Variants in KATNAL2 observed in about 807,000 individuals in gnomAD.
KATNAL2 encodes katanin p60 ATPase-containing subunit A-like 2.
Under a neutral mutation model 76.3 loss-of-function variants are expected in KATNAL2, and 52 were observed. The observed-to-expected ratio is 0.68, with a 90% CI of 0.55 to 0.86. The LOEUF (loss-of-function observed/expected upper bound fraction) is 0.86, where lower values mean the gene tolerates loss of function less well. Among genes scored for constraint, KATNAL2 ranks in the 40% least tolerant of loss-of-function variants. The pLI is 0.00. For synonymous variants in KATNAL2, 243 were observed against 244.2 expected (o/e 1.00, Z 0.05); for missense variants, 660 against 668.9 (o/e 0.99, Z 0.15).
intron 3 of KATNAL2, chr18:47,034,246 A>G (rs2060642556): frequency 8.7e-6 from 14 of 1,613,992 alleles, no homozygotes; most frequent in Non-Finnish European, 1.2e-5. Context: ...GTCGTTGGAA[A>G]GCTGCTCTTT....
intron 3 of KATNAL2, among the ~76,000 whole-genome samples, chr18:47,045,109 TAAAAA>T (rs1428827568): frequency 6.6e-6 from 1 of 150,862 alleles, no homozygotes; most frequent in Non-Finnish European, 1.5e-5. Flanking sequence ...AAAAAAAAAT[TAAAAA>T]AGAAAAAAAA....
In KATNAL2 at chr18:47,035,503, A is replaced by G. The variant is rs1003490519; in HGVS notation, c.52-10954A>G. ...CTTTTGTTCCTCGGGATGTGGAGCC[A>G]CAGCCTGGAGTGACCTCTGCAGTTT... On this transcript the variant is annotated intron_variant, in intron 3 of 17. Transcript: ENST00000683218. 3.6e-6 allele frequency: 3 copies of G among 831,040 alleles called. No individual in the cohort carries two copies. The African/African-American group carries it at 5.2e-5, about 14-fold the overall frequency. 51.5% of individuals were successfully genotyped at this position (831,040 alleles called of 1,614,324 possible).
At chr18:47,100,482 C>G in intron 17 of KATNAL2, 126 bp downstream of exon 17, 1 of 718,576 alleles carries the variant, frequency 1.4e-6, no homozygotes. Flanking sequence ...TTGGTCAAAT[C>G]ATCCCTCACT....
chr18:47,034,448 C>T, intron 3 of KATNAL2: 1 of 1,614,186 alleles, frequency 6.2e-7, no homozygotes, highest in Non-Finnish European at 8.5e-7. Flanking sequence ...GGCTGCCTGT[C>T]CCTGGCACTT....
chr18:46,925,622 C>G (rs151038721), intron 1 of KATNAL2, among the ~76,000 whole-genome samples: 7,060 of 152,266 alleles, frequency 0.046, 191 homozygotes, highest in Non-Finnish European at 0.064. Flanking sequence ...AGGATTCCCT[C>G]TTTTTCTATT....
intron 15 of KATNAL2, among the ~76,000 whole-genome samples, chr18:47,086,688 A>C (rs2062789814): frequency 6.6e-6 from 1 of 152,092 alleles, no homozygotes; most frequent in Non-Finnish European, 1.5e-5. Flanking sequence ...CTTACATACA[A>C]CACTTCACTA....
At chr18:46,928,877 C>T (rs950023619) in intron 1 of KATNAL2, among the ~76,000 whole-genome samples, 1 of 152,134 alleles carries the variant, frequency 6.6e-6, no homozygotes, top group African/African-American at 2.4e-5. Context: ...CTCGCTGCAA[C>T]CTCCACCTCC....
intron 3 of KATNAL2, among the ~76,000 whole-genome samples, chr18:46,961,773 C>A (rs2059968791): frequency 1.3e-5 from 2 of 152,144 alleles, no homozygotes; most frequent in African/African-American, 4.8e-5. Context: ...AGTCCAAGGC[C>A]AGTCTATTTT....
intron 1 of KATNAL2, among the ~76,000 whole-genome samples, chr18:46,919,598 GCGATCGCAC>G (rs2058410964): frequency 6.6e-6 from 1 of 152,168 alleles, no homozygotes; most frequent in Admixed American, 6.5e-5. Flanking sequence ...GCAGTGAGCT[GCGATCGCAC>G]CATTGCACTC....
At chr18:46,936,497 CAA>C (rs1220423083) in intron 1 of KATNAL2, among the ~76,000 whole-genome samples, 4 of 152,116 alleles carry the variant, frequency 2.6e-5, no homozygotes, top group Non-Finnish European at 5.9e-5. Flanking sequence ...CTCAGCTATT[CAA>C]GAGGCTCAGG....
rs905187621 is a variant in KATNAL2, at chr18:46,946,227, T to A, written c.-339T>A. 6.5e-6 allele frequency: 7 copies of A among 1,078,888 alleles called. No homozygotes were observed. The highest frequency in any genetic ancestry group is 6.8e-6 in the Non-Finnish European group (6 of 881,656). 66.8% of individuals were successfully genotyped at this position (1,078,888 alleles called of 1,614,324 possible). On this transcript the variant is annotated 5_prime_UTR_variant, in exon 2 of 18. Coordinates refer to ENST00000683218, the MANE Select transcript of KATNAL2 (RefSeq NM_001387690.1). ...CAGACTAGTTAACACATGAAAAAAA[T>A]AGAGCAGAGGAAAACACGTCCATGT...
At chr18:46,936,901 G>A (rs1021900366) in intron 1 of KATNAL2, among the ~76,000 whole-genome samples, 1 of 152,162 alleles carries the variant, frequency 6.6e-6, no homozygotes, top group Admixed American at 6.5e-5. Context: ...GTTGCAGTGA[G>A]ACAAGATCAT....
intron 15 of KATNAL2, among the ~76,000 whole-genome samples, chr18:47,087,154 T>C (rs1368366476): frequency 6.6e-6 from 1 of 152,212 alleles, no homozygotes; most frequent in Non-Finnish European, 1.5e-5. Flanking sequence ...TCTGGTAATG[T>C]TTTTTGTTCC....
chr18:47,067,505 C>G (rs1472061758), intron 11 of KATNAL2, among the ~76,000 whole-genome samples: 2 of 152,146 alleles, frequency 1.3e-5, no homozygotes, highest in Admixed American at 6.5e-5. Context: ...CCCTGCCCCC[C>G]TGACCTACCC....
chr18:47,088,028 C>CT (rs2062849260), intron 15 of KATNAL2, among the ~76,000 whole-genome samples: 1 of 152,166 alleles, frequency 6.6e-6, no homozygotes, highest in Admixed American at 6.5e-5. Context: ...CAGTGCCCTG[C>CT]TGGGCTCCAC....
At chr18:46,944,369 G>A (rs182182447) in intron 1 of KATNAL2, among the ~76,000 whole-genome samples, 4 of 152,112 alleles carry the variant, frequency 2.6e-5, no homozygotes, top group East Asian at 3.9e-4. Context: ...TAAAAAACGC[G>A]GTATAATGAG....
At chr18:46,927,518 T>C (rs2058766025) in intron 1 of KATNAL2, among the ~76,000 whole-genome samples, 1 of 152,080 alleles carries the variant, frequency 6.6e-6, no homozygotes, top group Non-Finnish European at 1.5e-5. Context: ...GCCCTTAACA[T>C]TTTTTCCTTC....
chr18:46,948,464 G>A (rs1460913461), intron 3 of KATNAL2, among the ~76,000 whole-genome samples: 1 of 128,410 alleles, frequency 7.8e-6, no homozygotes, highest in Admixed American at 8.3e-5. Context: ...TGCTCTTGTT[G>A]CCCGGGCTGG....
intron 15 of KATNAL2, among the ~76,000 whole-genome samples, chr18:47,078,791 A>T (rs1335996646): frequency 6.6e-6 from 1 of 152,200 alleles, no homozygotes; most frequent in Non-Finnish European, 1.5e-5. Flanking sequence ...GCCCAAATAA[A>T]ATGGTTCACA....
Sources: gnomAD v4.1 joint callset for allele counts (sites outside exome capture counted in the v4.1 genomes callset) on GRCh38, gnomAD v4.1.1 for gene constraint, MANE v1.5 for transcripts, NCBI Gene and HGNC (gene_info 2026-07-23, HGNC 2026-07-21) for gene names.